NPAS3: variants seen among roughly 807,000 people sequenced by gnomAD.
NPAS3 encodes neuronal PAS domain-containing protein 3.
In NPAS3, 14 loss-of-function variants were observed where a neutral mutation model predicts 73.1. The observed-to-expected ratio is 0.19, with a 90% CI of 0.13 to 0.30. NPAS3 has a LOEUF of 0.30. NPAS3 is among the 10% of genes least tolerant of loss of function. NPAS3 has a pLI of 1.00. For synonymous variants in NPAS3, 620 were observed against 541.5 expected (o/e 1.14, Z -2.01); for missense variants, 1,096 against 1,250.0 (o/e 0.88, Z 1.86).
At chr14:33,236,560 G>A (rs2048041373) in intron 3 of NPAS3, among the ~76,000 whole-genome samples, 2 of 152,040 alleles carry the variant, frequency 1.3e-5, no homozygotes, top group South Asian at 4.1e-4. Flanking sequence ...AATATCAGGT[G>A]CAGTGTGAGT....
intron 4 of NPAS3, among the ~76,000 whole-genome samples, chr14:33,411,086 G>A (rs1818822722): frequency 6.6e-6 from 1 of 152,128 alleles, no homozygotes; most frequent in South Asian, 2.1e-4. Context: ...CATGCATCTT[G>A]GCTAAAATCA....
Position 33,608,215 on chromosome 14 carries a change from G to A in NPAS3, c.558+48005G>A, listed in dbSNP as rs549488626. Among the ~76,000 whole-genome samples the A allele has an allele frequency of 2.8e-4, 42 of 152,128 alleles. 1 individual carries two copies. The highest frequency in any genetic ancestry group is 6.8e-3 in the Middle Eastern group (2 of 294). ...ACCTATTAGGTTCACTTTACATAAC[G>A]GACATTTGACTGTAGCCTACTATCT... On this transcript the variant is annotated intron_variant, in intron 5 of 11. Transcript: ENST00000356141.
chr14:33,074,834 TGAGAA>T (rs1260148676), intron 2 of NPAS3, among the ~76,000 whole-genome samples: 1 of 152,234 alleles, frequency 6.6e-6, no homozygotes, highest in Non-Finnish European at 1.5e-5. Context: ...GTTACCATAT[TGAGAA>T]GAGGTGTTTC....
chr14:33,655,879 C>G (rs2059131436), intron 5 of NPAS3, among the ~76,000 whole-genome samples: 1 of 152,120 alleles, frequency 6.6e-6, no homozygotes, highest in South Asian at 2.1e-4. Context: ...CCGTTTGCAT[C>G]AAGTTTTCTA....
chr14:32,974,674 C>T (rs187231720), intron 1 of NPAS3, among the ~76,000 whole-genome samples: 1 of 152,202 alleles, frequency 6.6e-6, no homozygotes, highest in African/African-American at 2.4e-5. Context: ...GATACCTCAG[C>T]TCTATCATGT....
intron 3 of NPAS3, among the ~76,000 whole-genome samples, chr14:33,311,859 A>G (rs1344179747): frequency 2.0e-5 from 3 of 152,142 alleles, no homozygotes; most frequent in African/African-American, 7.2e-5. Flanking sequence ...TGAATCTTGA[A>G]GGATGAACGG....
Position 33,152,746 on chromosome 14 carries a change from T to C in NPAS3, c.141-62436T>C, listed in dbSNP as rs1336792829. On this transcript the variant is annotated intron_variant, in intron 2 of 11. Coordinates refer to ENST00000356141, the Ensembl canonical transcript of NPAS3. ...TGATGATTGTTTACATGTAAGCTTCTTCCTGGGTGTTCTGAAATATCCCAC... is the reference window on the plus strand; with the variant it reads ...TGATGATTGTTTACATGTAAGCTTCCTCCTGGGTGTTCTGAAATATCCCAC... Among the ~76,000 whole-genome samples the C allele has an allele frequency of 2.0e-5, 3 of 152,066 alleles. No individual in the cohort carries two copies. The East Asian group carries it at 5.8e-4, about 29-fold the overall frequency.
intron 1 of NPAS3, among the ~76,000 whole-genome samples, chr14:33,040,593 A>G (rs567814657): frequency 3.5e-4 from 54 of 152,300 alleles, no homozygotes; most frequent in African/African-American, 1.2e-3. Flanking sequence ...TCTACATACC[A>G]GGAGGCACTA....
intron 4 of NPAS3, among the ~76,000 whole-genome samples, chr14:33,386,415 T>G (rs1291779968): frequency 6.6e-6 from 1 of 152,170 alleles, no homozygotes; most frequent in Non-Finnish European, 1.5e-5. Flanking sequence ...TAGATTTATC[T>G]CTTGTTATTA....
intron 5 of NPAS3, among the ~76,000 whole-genome samples, chr14:33,589,068 C>T (rs910747500): frequency 6.6e-6 from 1 of 152,182 alleles, no homozygotes; most frequent in African/African-American, 2.4e-5. Flanking sequence ...GAAATATACT[C>T]TACGTTTGTC....
At chr14:33,375,987 G>A (rs1187881820) in intron 4 of NPAS3, among the ~76,000 whole-genome samples, 1 of 152,092 alleles carries the variant, frequency 6.6e-6, no homozygotes, top group Non-Finnish European at 1.5e-5. Flanking sequence ...TGAGATTAAT[G>A]TTTCATACTT....
At chr14:33,771,381 CTATT>C (rs1456925656) in intron 7 of NPAS3, among the ~76,000 whole-genome samples, 26 of 152,290 alleles carry the variant, frequency 1.7e-4, no homozygotes, top group African/African-American at 6.3e-4. Context: ...TTCTTGACAA[CTATT>C]TAGTTACTGC....
intron 5 of NPAS3, among the ~76,000 whole-genome samples, chr14:33,619,556 T>C (rs939036729): frequency 2.0e-5 from 3 of 152,220 alleles, no homozygotes; most frequent in Non-Finnish European, 2.9e-5. Flanking sequence ...CAGACAAGGA[T>C]GTATATGAAA....
rs147822456 is a variant in NPAS3, at chr14:33,374,935, C to T, written c.468+7667C>T. Among the ~76,000 whole-genome samples, 360 of 152,224 alleles carry T rather than the reference C, an allele frequency of 2.4e-3. 3 individuals carry two copies. Among genetic ancestry groups the T allele is most frequent in the South Asian group, 0.013 (63 of 4,822 alleles). ...TTTGATGGTAGTGTTTTCAAAAGAC[C>T]TCTGTGAAACAGTGATATCTTCAAG... On this transcript the variant is annotated intron_variant, in intron 4 of 11. Coordinates refer to ENST00000356141, the Ensembl canonical transcript of NPAS3.
chr14:32,939,295 GA>G, upstream of NPAS3: 1 of 713,654 alleles, frequency 1.4e-6, no homozygotes. Flanking sequence ...AAAAGTAAGA[GA>G]GGAAAAAAAA....
intron 5 of NPAS3, among the ~76,000 whole-genome samples, chr14:33,656,610 T>C (rs557590163): frequency 3.3e-5 from 5 of 152,322 alleles, no homozygotes; most frequent in Non-Finnish European, 5.9e-5. Context: ...TTGAGGTGTA[T>C]AGCATGATGT....
chr14:33,544,810 A>ATG, intron 4 of NPAS3, among the ~76,000 whole-genome samples: 1 of 92,102 alleles, frequency 1.1e-5, no homozygotes, highest in South Asian at 2.9e-4. Flanking sequence ...ATATATATAT[A>ATG]TGTATATATA....
chr14:32,973,265 T>A (rs999832867), intron 1 of NPAS3, among the ~76,000 whole-genome samples: 9 of 152,158 alleles, frequency 5.9e-5, no homozygotes, highest in African/African-American at 2.2e-4. Context: ...AGTGGGGTAG[T>A]ATGGGGTTTT....
At chr14:33,749,819 T>A (rs1206769300) in intron 7 of NPAS3, among the ~76,000 whole-genome samples, 1 of 152,054 alleles carries the variant, frequency 6.6e-6, no homozygotes, top group Non-Finnish European at 1.5e-5. Context: ...CAACACACCA[T>A]ACCATCACTG....
Sources: gnomAD v4.1 joint callset for allele counts (sites outside exome capture counted in the v4.1 genomes callset) on GRCh38, gnomAD v4.1.1 for gene constraint, MANE v1.5 for transcripts, NCBI Gene and HGNC (gene_info 2026-07-23, HGNC 2026-07-21) for gene names.